The following NUP210 variants were observed in gnomAD, a reference collection of about 807,000 sequenced individuals.
The protein encoded by NUP210 is nucleoporin 210.
In NUP210, 151 loss-of-function variants were observed where a neutral mutation model predicts 196.0. That is an observed-to-expected ratio of 0.77 (90% confidence interval 0.67 to 0.88). NUP210 has a LOEUF of 0.88. Among genes scored for constraint, NUP210 ranks in the 40% least tolerant of loss-of-function variants. The probability of loss-of-function intolerance (pLI) is 0.00; values close to 1 mark genes in which losing one functional copy is unlikely to be tolerated. For missense variants in NUP210, 2,314 were observed against 2,493.7 expected, an observed-to-expected ratio of 0.93 and a Z score of 1.53; for synonymous variants, 1,070 against 1,052.7, an observed-to-expected ratio of 1.02 and a Z score of -0.32.
chr3:13,380,222 T>TA (rs1699056296), intron 6 of NUP210, among the ~76,000 whole-genome samples: 1 of 152,060 alleles, frequency 6.6e-6, no homozygotes, highest in Non-Finnish European at 1.5e-5. Context: ...GGCAGAAAAA[T>TA]AACTTGCCCA....
intron 1 of NUP210, among the ~76,000 whole-genome samples, chr3:13,405,901 G>T (rs2124955224): frequency 6.6e-6 from 1 of 152,268 alleles, no homozygotes; most frequent in South Asian, 2.1e-4. Flanking sequence ...CAGTTTAGAT[G>T]ATGCACAGAT....
chr3:13,416,812 C>A (rs1339115232), intron 1 of NUP210, among the ~76,000 whole-genome samples: 1 of 152,084 alleles, frequency 6.6e-6, no homozygotes, highest in Non-Finnish European at 1.5e-5. Context: ...CCGAGGTGCC[C>A]AAATAACCAG....
chr3:13,361,205 C>T (rs1698358523), intron 14 of NUP210, among the ~76,000 whole-genome samples: 1 of 152,178 alleles, frequency 6.6e-6, no homozygotes, highest in South Asian at 2.1e-4. Flanking sequence ...GCACGAGCTT[C>T]GAGGGTGAGT....
At chr3:13,342,144 T>G in intron 21 of NUP210, 21 bp from the exon 22 acceptor site, 1 of 1,613,432 alleles carries the variant, frequency 6.2e-7, no homozygotes, top group Non-Finnish European at 8.5e-7. Flanking sequence ...GGGACAGAGG[T>G]TCAGGGGCAG....
intron 16 of NUP210, 59 bp downstream of exon 16, chr3:13,358,163 T>C (rs1382682799): frequency 3.3e-6 from 5 of 1,500,104 alleles, no homozygotes; most frequent in Non-Finnish European, 4.5e-6. Flanking sequence ...AGGCCACCAA[T>C]GTCCTCCTGC....
intron 28 of NUP210, among the ~76,000 whole-genome samples, chr3:13,332,744 T>C (rs6806084): frequency 0.13 from 4,884 of 38,314 alleles, 123 homozygotes; most frequent in African/African-American, 0.26. Context: ...CACACACACA[T>C]GGCCAAAGAT....
At chr3:13,395,638 G>C (rs1699627397) in intron 3 of NUP210, among the ~76,000 whole-genome samples, 1 of 152,128 alleles carries the variant, frequency 6.6e-6, no homozygotes, top group Non-Finnish European at 1.5e-5. Flanking sequence ...TCTTTTTGTG[G>C]CTAAATAATA....
chr3:13,415,037 A>G (rs1027393358), intron 1 of NUP210, among the ~76,000 whole-genome samples: 3 of 152,296 alleles, frequency 2.0e-5, no homozygotes, highest in African/African-American at 7.2e-5. Flanking sequence ...AGAGATCTAG[A>G]CCATCCTGGC....
Position 13,323,394 on chromosome 3 carries a change from G to A in NUP210, c.4683C>T (p.His1561=), listed in dbSNP as rs1696617013. The change falls in exon 34 of 40, where the codon CAC becomes CAT. Residue 1561 remains histidine, a synonymous_variant. Coordinates refer to ENST00000254508, the MANE Select transcript of NUP210 (RefSeq NM_024923.4). This position sits in a 1 kb window ranked among gnomAD's most constrained non-coding sequence, Gnocchi z 4.3. ...GGAAGCTGGTCTGGATGGGGTGGAG[G>A]TGACGGGCCATGATCCTCTGAGGGA... ...VSVPQRIMAR[H]LHPIQTSFQE... 2.5e-6 allele frequency: 4 copies of A among 1,614,146 alleles called. No individual in the cohort carries two copies. Among genetic ancestry groups the A allele is most frequent in the Non-Finnish European group, 3.4e-6 (4 of 1,180,006 alleles).
At chr3:13,361,289 C>T (rs976150697) in intron 14 of NUP210, among the ~76,000 whole-genome samples, 1 of 152,186 alleles carries the variant, frequency 6.6e-6, no homozygotes, top group Non-Finnish European at 1.5e-5. Flanking sequence ...AGTGAGTTGG[C>T]AAGTAAAACT....
At position 13,335,538 on chromosome 3, in the gene NUP210, C is replaced by A; in HGVS notation, c.3759G>T (p.Leu1253=). 1 of 1,614,142 alleles carries A rather than the reference C, an allele frequency of 6.2e-7. No homozygotes were observed. The highest frequency in any genetic ancestry group is 8.5e-7 in the Non-Finnish European group (1 of 1,180,046). Residue 1253 remains leucine (L), a synonymous_variant, in exon 28 of 40, where the codon CTG becomes CTT. Coordinates refer to ENST00000254508, the MANE Select transcript of NUP210 (RefSeq NM_024923.4). Reference sequence around the variant, plus strand: ...GGTCCACAGCCTTGACCACCACCCTCAGCCCGGTCCGGCCTTTTACCCGGC... The same window carrying A: ...GGTCCACAGCCTTGACCACCACCCTAAGCCCGGTCCGGCCTTTTACCCGGC... ...VLGRVKGRTG[L]RVVVKAVDPT... is the part of the protein sequence containing the mutation.
At chr3:13,385,462 G>A (rs1025312180) in intron 6 of NUP210, among the ~76,000 whole-genome samples, 15 of 152,202 alleles carry the variant, frequency 9.9e-5, no homozygotes, top group Non-Finnish European at 1.8e-4. Flanking sequence ...ATTGAGAACC[G>A]TCACTATCTA....
chr3:13,408,318 CTTA>C (rs1472582759), intron 1 of NUP210, among the ~76,000 whole-genome samples: 14 of 150,570 alleles, frequency 9.3e-5, no homozygotes, highest in Admixed American at 9.2e-4. Context: ...TTTTTTTTTT[CTTA>C]TAATGCTTTC....
At chr3:13,353,413 G>T in intron 18 of NUP210, 141 bp downstream of exon 18, 1 of 678,368 alleles carries the variant, frequency 1.5e-6, no homozygotes, top group Non-Finnish European at 2.6e-6. Flanking sequence ...CTCTCCTGGG[G>T]CCTCCAAGAG....
chr3:13,336,971 C>T (rs1697242635), intron 26 of NUP210, 53 bp from the exon 27 acceptor site: 4 of 1,604,874 alleles, frequency 2.5e-6, no homozygotes, highest in Non-Finnish European at 3.4e-6. Flanking sequence ...ACTGGGAATG[C>T]CCCCAGAAGC....
chr3:13,316,996 A>T lies in NUP210; in HGVS notation c.*685T>A, dbSNP rs1037603562. On this transcript the variant is annotated 3_prime_UTR_variant, in exon 40 of 40. Coordinates refer to ENST00000254508, the MANE Select transcript of NUP210 (RefSeq NM_024923.4). ...AGATGTCTCAACGGCTTATGAAACAAAAACAGAGGACTGAAGTCTGTTCAC... is the reference window on the plus strand; with the variant it reads ...AGATGTCTCAACGGCTTATGAAACATAAACAGAGGACTGAAGTCTGTTCAC... 2 of 152,702 alleles carry T rather than the reference A, an allele frequency of 1.3e-5. No homozygotes were observed. The highest frequency in any genetic ancestry group is 2.9e-5 in the Non-Finnish European group (2 of 68,330). 9.5% of individuals were successfully genotyped at this position (152,702 alleles called of 1,614,324 possible).
rs370940267 is a variant in NUP210 at position 13,377,577 on chromosome 3, G to A, written c.1046-15C>T. On this transcript the variant is annotated splice_polypyrimidine_tract_variant and intron_variant, in intron 8 of 39. Coordinates refer to ENST00000254508, the MANE Select transcript of NUP210 (RefSeq NM_024923.4). The stretch of plus-strand genomic sequence containing the variant: ...AACAGTGAACCCTAAAACAGGCAGA[G>A]GGAGCCTGAGCACTCAGGCCTCAGG... The A allele has an allele frequency of 1.4e-5, 22 of 1,603,516 alleles. No homozygotes were observed. The Admixed American group carries it at 3.5e-4, about 26-fold the overall frequency.
At chr3:13,334,850 C>T (rs557384332) in intron 28 of NUP210, among the ~76,000 whole-genome samples, 3 of 152,286 alleles carry the variant, frequency 2.0e-5, no homozygotes, top group South Asian at 2.1e-4. Flanking sequence ...CAGTCCTGAC[C>T]CCTGGCTCTG....
intron 12 of NUP210, among the ~76,000 whole-genome samples, chr3:13,372,821 C>T (rs1436460561): frequency 6.6e-6 from 1 of 152,164 alleles, no homozygotes; most frequent in Non-Finnish European, 1.5e-5. Flanking sequence ...CCAGGTTCTA[C>T]CCAGAACGCA....
Sources: gnomAD v4.1 joint callset for allele counts (sites outside exome capture counted in the v4.1 genomes callset) on GRCh38, gnomAD v4.1.1 for gene constraint, Gnocchi (gnomAD v3.1) non-coding constraint, MANE v1.5 for transcripts, NCBI Gene and HGNC (gene_info 2026-07-23, HGNC 2026-07-21) for gene names.